SEMA3A: variants seen among roughly 807,000 people sequenced by gnomAD.
The protein encoded by SEMA3A is semaphorin 3A, also known as semaphorin-3A.
SEMA3A carries 29 observed loss-of-function variants against 97.9 expected under a neutral mutation model. The ratio of observed to expected loss-of-function variants is 0.30; its 90% CI spans 0.22 to 0.40. SEMA3A has a LOEUF of 0.40. Among genes scored for constraint, SEMA3A ranks in the 10% least tolerant of loss-of-function variants. The probability of loss-of-function intolerance (pLI) is 1.00; values close to 1 mark genes in which losing one functional copy is unlikely to be tolerated. For missense variants in SEMA3A, 763 were observed against 951.3 expected, an observed-to-expected ratio of 0.80 and a Z score of 2.60; for synonymous variants, 321 against 323.7, an observed-to-expected ratio of 0.99 and a Z score of 0.09.
intron 1 of SEMA3A, among the ~76,000 whole-genome samples, chr7:84,372,733 TA>T (rs1002587883): frequency 7.9e-5 from 12 of 152,080 alleles, no homozygotes; most frequent in Admixed American, 2.6e-4. Context: ...ACCAAATAAT[TA>T]AAAATATAGG....
intron 4 of SEMA3A, among the ~76,000 whole-genome samples, chr7:84,093,924 T>TA (rs34607045): frequency 0.32 from 46,413 of 146,036 alleles, 8,332 homozygotes; most frequent in African/African-American, 0.51. Context: ...TCCTAGAACT[T>TA]AAAAAAAAAA....
At chr7:84,280,579 T>C (rs1396324773) in intron 3 of SEMA3A, among the ~76,000 whole-genome samples, 1 of 151,050 alleles carries the variant, frequency 6.6e-6, no homozygotes, top group Non-Finnish European at 1.5e-5. Context: ...AGTTCAGGAG[T>C]TCAAGACCAG....
chr7:84,020,049 T>C (rs1791267735), intron 6 of SEMA3A, among the ~76,000 whole-genome samples: 1 of 123,172 alleles, frequency 8.1e-6, no homozygotes, highest in South Asian at 2.8e-4. Context: ...TTTTTTTTTT[T>C]TTTTTTTTTT....
chr7:84,179,374 C>A (rs1052572231), intron 1 of SEMA3A, among the ~76,000 whole-genome samples: 12 of 152,136 alleles, frequency 7.9e-5, no homozygotes, highest in African/African-American at 2.9e-4. Context: ...TACATTAATG[C>A]CTCAAGTCTC....
chr7:84,387,668 G>A (rs761673965), intron 1 of SEMA3A, among the ~76,000 whole-genome samples: 40 of 152,108 alleles, frequency 2.6e-4, no homozygotes, highest in Non-Finnish European at 4.6e-4. Flanking sequence ...CAGAAAATGG[G>A]TTTTGACTTT....
chr7:84,179,997 C>T (rs1481161583), intron 1 of SEMA3A, among the ~76,000 whole-genome samples: 1 of 135,664 alleles, frequency 7.4e-6, no homozygotes, highest in Non-Finnish European at 1.6e-5. Context: ...GAATTTCGCT[C>T]TTGTTGTGGC....
chr7:84,060,002 A>G (rs1405594582), intron 5 of SEMA3A, among the ~76,000 whole-genome samples: 2 of 152,184 alleles, frequency 1.3e-5, no homozygotes, highest in Non-Finnish European at 2.9e-5. Flanking sequence ...CTAAATGAAA[A>G]GAGGAGAAAG....
intron 1 of SEMA3A, among the ~76,000 whole-genome samples, chr7:84,405,227 A>G (rs1804044241): frequency 6.6e-6 from 1 of 152,152 alleles, no homozygotes; most frequent in South Asian, 2.1e-4. Context: ...AAAACAAAAA[A>G]AGGCAGGGTT....
At chr7:84,416,749 C>A (rs1384610011) in intron 1 of SEMA3A, among the ~76,000 whole-genome samples, 1 of 152,080 alleles carries the variant, frequency 6.6e-6, no homozygotes, top group Non-Finnish European at 1.5e-5. Context: ...GTTAAAGTTA[C>A]AGAAACTTCA....
chr7:84,403,107 A>C (rs1803953747), intron 1 of SEMA3A, among the ~76,000 whole-genome samples: 1 of 152,090 alleles, frequency 6.6e-6, no homozygotes, highest in African/African-American at 2.4e-5. Context: ...GCATCGCCTC[A>C]CCCGGGAAGC....
chr7:84,046,484 T>A, intron 5 of SEMA3A, 41 bp from the exon 6 acceptor site: 1 of 1,608,358 alleles, frequency 6.2e-7, no homozygotes, highest in South Asian at 1.1e-5. Context: ...TTTAATTCAA[T>A]TAAGGCAAAA....
intron 3 of SEMA3A, among the ~76,000 whole-genome samples, chr7:84,207,268 T>C (rs1011645576): frequency 6.6e-6 from 1 of 152,200 alleles, no homozygotes; most frequent in African/African-American, 2.4e-5. Flanking sequence ...ATTGTCATGG[T>C]TCCTGGGAGA....
At chr7:84,360,921 C>A (rs190128295) in intron 2 of SEMA3A, among the ~76,000 whole-genome samples, 26 of 152,032 alleles carry the variant, frequency 1.7e-4, no homozygotes, top group African/African-American at 6.0e-4. Flanking sequence ...ATTTAAACAA[C>A]ACTCTACAAA....
chr7:84,397,904 T>C (rs1803780883), intron 1 of SEMA3A, among the ~76,000 whole-genome samples: 1 of 152,132 alleles, frequency 6.6e-6, no homozygotes, highest in South Asian at 2.1e-4. Flanking sequence ...TTATGATAAT[T>C]AAATAAGATA....
chr7:84,284,329 A>G (rs1245484053), intron 3 of SEMA3A, among the ~76,000 whole-genome samples: 1 of 152,164 alleles, frequency 6.6e-6, no homozygotes, highest in Non-Finnish European at 1.5e-5. Flanking sequence ...CAGTCAAAGG[A>G]TTCGATTATC....
chr7:84,206,319 C>CTT (rs1798493284), intron 3 of SEMA3A, among the ~76,000 whole-genome samples: 1 of 141,856 alleles, frequency 7.0e-6, no homozygotes, highest in African/African-American at 2.7e-5. Flanking sequence ...ACCAAGATGG[C>CTT]ATTTTTTTTT....
intron 6 of SEMA3A, among the ~76,000 whole-genome samples, chr7:84,040,189 CT>C (rs1335292185): frequency 6.7e-6 from 1 of 149,840 alleles, no homozygotes; most frequent in Non-Finnish European, 1.5e-5. Flanking sequence ...AAACCCATTC[CT>C]TTCACTCAGA....
At chr7:84,162,145 A>T (rs1240303866) in intron 1 of SEMA3A, among the ~76,000 whole-genome samples, 1 of 152,174 alleles carries the variant, frequency 6.6e-6, no homozygotes, top group Non-Finnish European at 1.5e-5. Context: ...TTGATAATTT[A>T]TTTTTATATC....
At chr7:84,242,123 T>C (rs1799378548) in intron 3 of SEMA3A, among the ~76,000 whole-genome samples, 1 of 152,178 alleles carries the variant, frequency 6.6e-6, no homozygotes, top group Admixed American at 6.5e-5. Flanking sequence ...TCTTTTTTGG[T>C]TTCAGATGAA....
Sources: allele counts gnomAD v4.1 joint callset (sites outside exome capture counted in the v4.1 genomes callset), GRCh38; gene constraint gnomAD v4.1.1; transcripts MANE v1.5; gene names NCBI Gene and HGNC (gene_info 2026-07-23, HGNC 2026-07-21).